TPRG1: variants seen among roughly 807,000 people sequenced by gnomAD.
The protein encoded by TPRG1 is tumor protein p63-regulated gene 1 protein.
A neutral mutation model predicts 29.3 loss-of-function variants in TPRG1; 29 were observed. The observed-to-expected ratio is 0.99, with a 90% CI of 0.74 to 1.35. The LOEUF is 1.35. Ranked by LOEUF, TPRG1 falls within the 40% of genes most tolerant of loss-of-function variation. The pLI is 0.00. For synonymous variants in TPRG1, 130 were observed against 116.8 expected (o/e 1.11, Z -0.73); for missense variants, 327 against 335.0 (o/e 0.98, Z 0.19).
rs775334701 is a variant in TPRG1 at position 189,041,106 on chromosome 3, G to A, written c.-463+17160G>A. On this transcript the variant is annotated intron_variant, in intron 4 of 10. Coordinates refer to the TPRG1 transcript ENST00000433971. ...TTTGGTGAAAGGAAACAGAATCAGG[G>A]AACCCCTGAGCCACAGCCATTTTAG... Among the ~76,000 whole-genome samples the A allele has an allele frequency of 2.7e-4, 41 of 152,204 alleles. 1 individual carries two copies. In the East Asian group the frequency reaches 5.4e-3, roughly 20 times the overall value.
At chr3:189,262,282 T>C (rs2109044443) in intron 4 of TPRG1, among the ~76,000 whole-genome samples, 1 of 143,372 alleles carries the variant, frequency 7.0e-6, no homozygotes, top group South Asian at 2.2e-4. Context: ...ATATGAAGTA[T>C]ACGTCTTTGA....
At chr3:189,045,473 T>A (rs59155342) in intron 4 of TPRG1, among the ~76,000 whole-genome samples, 2,491 of 152,354 alleles carry the variant, frequency 0.016, 68 homozygotes, top group African/African-American at 0.057. Context: ...TGGAATTAGA[T>A]GTCTGGACTT....
At chr3:189,313,536 G>C (rs934261340) in intron 5 of TPRG1, among the ~76,000 whole-genome samples, 2 of 152,170 alleles carry the variant, frequency 1.3e-5, no homozygotes, top group African/African-American at 4.8e-5. Context: ...ATAACATAGA[G>C]CTGAGTTATG....
At chr3:189,257,414 C>G (rs1272776083) in intron 4 of TPRG1, among the ~76,000 whole-genome samples, 2 of 152,100 alleles carry the variant, frequency 1.3e-5, no homozygotes, top group Non-Finnish European at 1.5e-5. Context: ...GTAATCTGAC[C>G]TTTCTCTCTG....
chr3:189,306,762 T>C (rs544271104), intron 4 of TPRG1, among the ~76,000 whole-genome samples: 1 of 152,296 alleles, frequency 6.6e-6, no homozygotes, highest in East Asian at 1.9e-4. Flanking sequence ...CAATATATGC[T>C]GGTGGGACAG....
intron 4 of TPRG1, among the ~76,000 whole-genome samples, chr3:189,025,020 T>C (rs747215517): frequency 1.8e-4 from 27 of 152,220 alleles, no homozygotes; most frequent in Non-Finnish European, 2.9e-4. Flanking sequence ...TCCTGCAGAC[T>C]GATGCTGCCT....
intron 1 of TPRG1, among the ~76,000 whole-genome samples, chr3:189,105,172 A>T (rs1027356691): frequency 6.6e-6 from 1 of 152,092 alleles, no homozygotes; most frequent in Non-Finnish European, 1.5e-5. Context: ...TTTCTAATTG[A>T]TCGATAATTT....
intron 1 of TPRG1, among the ~76,000 whole-genome samples, chr3:189,195,849 C>T (rs1194849202): frequency 6.6e-6 from 1 of 152,234 alleles, no homozygotes; most frequent in Non-Finnish European, 1.5e-5. Context: ...CTTCCCATCT[C>T]TACGTAACAA....
At chr3:189,039,105 A>G (rs2152133533) in intron 4 of TPRG1, among the ~76,000 whole-genome samples, 1 of 152,352 alleles carries the variant, frequency 6.6e-6, no homozygotes, top group Non-Finnish European at 1.5e-5. Flanking sequence ...TCCCGGAGGG[A>G]AACCTATGCA....
intron 4 of TPRG1, among the ~76,000 whole-genome samples, chr3:189,077,152 C>G (rs943486411): frequency 6.6e-6 from 1 of 152,004 alleles, no homozygotes; most frequent in African/African-American, 2.4e-5. Context: ...ATTATGTACT[C>G]CATGGCTGTT....
intron 1 of TPRG1, among the ~76,000 whole-genome samples, chr3:189,181,059 T>C (rs914237309): frequency 1.3e-5 from 2 of 152,188 alleles, no homozygotes; most frequent in African/African-American, 2.4e-5. Context: ...CTGAGCTCTA[T>C]GTTGGCCCCT....
Position 189,004,646 on chromosome 3 carries a change from G to A in TPRG1, c.-774G>A, listed in dbSNP as rs796225540. ...ATGACTGCATGGAGCAGAACCCTTC[G>A]CAAACCTGCTCTTCAGGCCTCCTTT... On this transcript the variant is annotated 5_prime_UTR_variant, in exon 3 of 11. Coordinates refer to the TPRG1 transcript ENST00000433971. The A allele has an allele frequency of 4.3e-4, 66 of 152,186 alleles. 1 individual carries two copies. The highest frequency in any genetic ancestry group is 1.4e-3 in the Admixed American group (22 of 15,270). 9.4% of individuals were successfully genotyped at this position (152,186 alleles called of 1,614,324 possible). A position where few individuals can be genotyped will look rare whatever the true frequency, so the allele number is the denominator to read the frequency against.
chr3:189,207,219 A>G (rs567781504), intron 1 of TPRG1, 157 bp from the exon 2 acceptor site: 2 of 972,328 alleles, frequency 2.1e-6, no homozygotes, highest in South Asian at 4.8e-5. Context: ...AGTCTGTGTT[A>G]TGAAGCTGTA....
chr3:189,063,057 A>C (rs979416636), intron 4 of TPRG1, among the ~76,000 whole-genome samples: 3 of 152,090 alleles, frequency 2.0e-5, no homozygotes, highest in Non-Finnish European at 4.4e-5. Flanking sequence ...ATTGAAAATA[A>C]AGGAATAGAA....
chr3:189,253,184 A>G (rs901595926), intron 4 of TPRG1, among the ~76,000 whole-genome samples: 1 of 152,020 alleles, frequency 6.6e-6, no homozygotes, highest in Non-Finnish European at 1.5e-5. Flanking sequence ...TCTTAATGCT[A>G]TCCCTCCTCA....
chr3:189,250,389 C>T (rs1198102218), intron 4 of TPRG1, among the ~76,000 whole-genome samples: 2 of 150,880 alleles, frequency 1.3e-5, no homozygotes, highest in Non-Finnish European at 2.9e-5. Flanking sequence ...TAAAAGGTGA[C>T]ATTAATCGTC....
At chr3:189,143,497 A>G (rs138850354) in intron 3 of TPRG1, among the ~76,000 whole-genome samples, 1 of 152,208 alleles carries the variant, frequency 6.6e-6, no homozygotes, top group Non-Finnish European at 1.5e-5. Context: ...AGCTGGATGC[A>G]TATTTGTATG....
intron 1 of TPRG1, among the ~76,000 whole-genome samples, chr3:189,189,621 G>C (rs1307080549): frequency 6.6e-6 from 1 of 152,024 alleles, no homozygotes; most frequent in African/African-American, 2.4e-5. Flanking sequence ...ATGCTGGCTT[G>C]CCCCATTTAT....
At chr3:189,136,513 G>T (rs1187612989) in intron 3 of TPRG1, among the ~76,000 whole-genome samples, 1 of 152,170 alleles carries the variant, frequency 6.6e-6, no homozygotes, top group Non-Finnish European at 1.5e-5. Context: ...GAACCCTCAA[G>T]CAGCTTCTAG....
Sources: allele counts gnomAD v4.1 joint callset (sites outside exome capture counted in the v4.1 genomes callset), GRCh38; gene constraint gnomAD v4.1.1; transcripts MANE v1.5; gene names NCBI Gene and HGNC (gene_info 2026-07-23, HGNC 2026-07-21).